The following MFN1 variants were observed in gnomAD, a reference collection of about 807,000 sequenced individuals.
The protein encoded by MFN1 is mitofusin-1.
A neutral mutation model predicts 92.4 loss-of-function variants in MFN1; 65 were observed. That is an observed-to-expected ratio of 0.70 (90% CI 0.58 to 0.86). MFN1 has a LOEUF of 0.86. Among genes scored for constraint, MFN1 ranks in the 40% least tolerant of loss-of-function variants. MFN1 has a pLI of 0.00. For synonymous variants in MFN1, 297 were observed against 300.9 expected (o/e 0.99, Z 0.13); for missense variants, 781 against 868.0 (o/e 0.90, Z 1.26).
At chr3:179,381,152 A>G (rs1420841065) in intron 14 of MFN1, among the ~76,000 whole-genome samples, 1 of 152,228 alleles carries the variant, frequency 6.6e-6, no homozygotes, top group Non-Finnish European at 1.5e-5. Flanking sequence ...TATAGGCAGC[A>G]TGGTGATGGG....
chr3:179,387,351 G>A (rs943194225), intron 16 of MFN1, among the ~76,000 whole-genome samples: 1 of 152,028 alleles, frequency 6.6e-6, no homozygotes. Context: ...TTCGAGAACA[G>A]CCTGGCCAAC....
intron 11 of MFN1, 44 bp downstream of exon 11, chr3:179,377,212 T>G (rs370460118): frequency 1.1e-5 from 18 of 1,581,502 alleles, no homozygotes; most frequent in Non-Finnish European, 1.5e-5. Context: ...TGGATGGAAA[T>G]TATTTTTGAT....
intron 9 of MFN1, among the ~76,000 whole-genome samples, chr3:179,370,038 T>A (rs1025719694): frequency 7.2e-5 from 11 of 152,194 alleles, no homozygotes; most frequent in Non-Finnish European, 1.6e-4. Context: ...AAATATTATG[T>A]CTGAATGTAT....
chr3:179,392,166 A>G lies in MFN1; in HGVS notation c.*107A>G. The stretch of plus-strand genomic sequence containing the variant: ...TTTAAATATGAATTGTACTAACTGT[A>G]CCTAAATAGCAAAGCCCTGTGTAGA... On this transcript the variant is annotated 3_prime_UTR_variant, in exon 18 of 18. Coordinates refer to ENST00000471841, the MANE Select transcript of MFN1 (RefSeq NM_033540.3). 1 of 704,614 alleles carries G rather than the reference A, an allele frequency of 1.4e-6. No homozygotes were observed. The highest frequency in any genetic ancestry group is 2.4e-6 in the Non-Finnish European group (1 of 411,258). 43.6% of individuals were successfully genotyped at this position (704,614 alleles called of 1,614,324 possible).
chr3:179,378,547 C>A (rs546725605), intron 13 of MFN1, 38 bp from the exon 14 acceptor site: 224 of 1,553,620 alleles, frequency 1.4e-4, no homozygotes, highest in Middle Eastern at 3.4e-4. Flanking sequence ...AAACATTTAC[C>A]ATTCTTATCT....
In MFN1 at chr3:179,371,707, C is replaced by T. The variant is rs561570357; in HGVS notation, c.976-3513C>T. Among the ~76,000 whole-genome samples the T allele has an allele frequency of 1.1e-4, 17 of 152,104 alleles. No homozygotes were observed. The East Asian group carries it at 1.7e-3, about 16-fold the overall frequency. ...TTTTGGTTGTATGATGGGAGATAGA[C>T]GTATAAAAATAACTTATTTAAAATG... On this transcript the variant is annotated intron_variant, in intron 9 of 17. Coordinates refer to ENST00000471841, the MANE Select transcript of MFN1 (RefSeq NM_033540.3).
intron 9 of MFN1, among the ~76,000 whole-genome samples, chr3:179,371,004 GT>G (rs1452458709): frequency 1.3e-5 from 2 of 152,066 alleles, no homozygotes; most frequent in Non-Finnish European, 2.9e-5. Flanking sequence ...CATTTTCTCT[GT>G]TTTGGGGATT....
chr3:179,356,844 G>A (rs1327998257), intron 3 of MFN1, among the ~76,000 whole-genome samples: 1 of 152,176 alleles, frequency 6.6e-6, no homozygotes, highest in Non-Finnish European at 1.5e-5. Flanking sequence ...ATCACCCAAT[G>A]TATGCAGCAA....
In MFN1 at chr3:179,368,353, CTG is replaced by C. The variant is rs541352513; in HGVS notation, c.975+254_975+255del. ...TTATGTATTTTATATAAATAAGAAA[CTG>C]TGTTTCAATATTGCTGTGTTGTGCA... On this transcript the variant is annotated intron_variant, in intron 9 of 17. Coordinates refer to ENST00000471841, the MANE Select transcript of MFN1 (RefSeq NM_033540.3). 1.6e-4 allele frequency among the ~76,000 whole-genome samples: 24 copies of C among 152,212 alleles called. No homozygotes were observed. In the South Asian group the frequency reaches 4.8e-3, roughly 30 times the overall value.
intron 16 of MFN1, among the ~76,000 whole-genome samples, chr3:179,389,395 C>T (rs1713815421): frequency 6.6e-6 from 1 of 152,028 alleles, no homozygotes; most frequent in Admixed American, 6.6e-5. Flanking sequence ...GATCCTCTTT[C>T]TTAGAAGACT....
chr3:179,372,986 G>T (rs1175926085), intron 9 of MFN1, among the ~76,000 whole-genome samples: 1 of 152,052 alleles, frequency 6.6e-6, no homozygotes, highest in East Asian at 1.9e-4. Context: ...AAACATCCGG[G>T]TATGTTTTAT....
At chr3:179,364,754 A>G (rs1377725360) in intron 6 of MFN1, among the ~76,000 whole-genome samples, 4 of 152,218 alleles carry the variant, frequency 2.6e-5, no homozygotes, top group African/African-American at 9.6e-5. Flanking sequence ...AAGGCTTTTT[A>G]TATTTTCAGT....
intron 9 of MFN1, among the ~76,000 whole-genome samples, chr3:179,374,475 ATG>A (rs1422989558): frequency 6.6e-6 from 1 of 150,414 alleles, no homozygotes; most frequent in African/African-American, 2.4e-5. Flanking sequence ...CCATTGATAA[ATG>A]TGATGCATTG....
At chr3:179,385,256 T>TTTCAAGGATTGTTG (rs2108556723) in intron 14 of MFN1, among the ~76,000 whole-genome samples, 1 of 151,784 alleles carries the variant, frequency 6.6e-6, no homozygotes, top group Admixed American at 6.6e-5. Flanking sequence ...TTTGTTGTTG[T>TTTCAAGGATTGTTG]TTGTTTCAAG....
chr3:179,384,223 G>C (rs908612957), intron 14 of MFN1, among the ~76,000 whole-genome samples: 7 of 152,188 alleles, frequency 4.6e-5, no homozygotes, highest in African/African-American at 1.7e-4. Flanking sequence ...CCATTCACCA[G>C]TTGATGGACA....
intron 9 of MFN1, 63 bp from the exon 10 acceptor site, chr3:179,375,157 T>G: frequency 1.4e-6 from 2 of 1,470,462 alleles, no homozygotes; most frequent in Non-Finnish European, 9.0e-7. Flanking sequence ...GTTTTTGTGT[T>G]TAAATTCCTG....
At chr3:179,379,264 G>T (rs560341208) in intron 14 of MFN1, among the ~76,000 whole-genome samples, 1 of 152,296 alleles carries the variant, frequency 6.6e-6, no homozygotes, top group South Asian at 2.1e-4. Context: ...CCCCACAAGG[G>T]GCCAAGACCT....
At chr3:179,389,715 C>T (rs1481133231) in intron 16 of MFN1, among the ~76,000 whole-genome samples, 5 of 151,996 alleles carry the variant, frequency 3.3e-5, no homozygotes, top group Non-Finnish European at 7.4e-5. Flanking sequence ...TGCGCAGGGC[C>T]CCAAGCATGA....
chr3:179,390,265 T>C, intron 17 of MFN1, 127 bp downstream of exon 17: 1 of 832,744 alleles, frequency 1.2e-6, no homozygotes, highest in Non-Finnish European at 1.7e-6. Context: ...AAATCTTCCA[T>C]ATTTAATTCC....
Sources: allele counts gnomAD v4.1 joint callset (sites outside exome capture counted in the v4.1 genomes callset), GRCh38; gene constraint gnomAD v4.1.1; transcripts MANE v1.5; gene names NCBI Gene and HGNC (gene_info 2026-07-23, HGNC 2026-07-21).